The following MAN2A1 variants were observed in gnomAD, a reference collection of about 807,000 sequenced individuals.
The protein encoded by MAN2A1 is alpha-mannosidase 2.
MAN2A1 carries 76 observed loss-of-function variants against 142.6 expected under a neutral mutation model. The ratio of observed to expected loss-of-function variants is 0.53; its 90% confidence interval spans 0.44 to 0.65. The LOEUF (loss-of-function observed/expected upper bound fraction) is 0.65. MAN2A1 is among the 30% of genes least tolerant of loss of function. The pLI, the probability that MAN2A1 is intolerant of heterozygous loss-of-function variation, is 0.00. For synonymous variants in MAN2A1, 559 were observed against 473.2 expected (o/e 1.18, Z -2.35); for missense variants, 1,311 against 1,365.1 (o/e 0.96, Z 0.62).
At chr5:109,735,882 T>TTC (rs1380267451) in intron 4 of MAN2A1, among the ~76,000 whole-genome samples, 5 of 147,786 alleles carry the variant, frequency 3.4e-5, no homozygotes, top group Non-Finnish European at 6.0e-5. Context: ...ATTGGAGTTT[T>TTC]TTTTTTTTTT....
In MAN2A1 at chr5:109,855,210, C is replaced by T. The variant is rs755356395; in HGVS notation, c.3047C>T (p.Pro1016Leu). The stretch of plus-strand genomic sequence containing the variant: ...ATAACTTCTTCTCTCATGAATCATC[C>T]AGTCATTCCAATGGCAAATAAGTTC... ...SHITSSLMNH[P>L]VIPMANKFSS... Residue 1016 changes from proline to leucine, a missense_variant, in exon 20 of 22, where the codon CCA (proline) becomes CTA (leucine). This residue lies in a region of MAN2A1 where 890 missense variants were observed against 920.5 expected (regional missense o/e 0.97). Coordinates refer to ENST00000261483, the MANE Select transcript of MAN2A1 (RefSeq NM_002372.4). 5.6e-6 allele frequency: 9 copies of T among 1,607,166 alleles called. No individual in the cohort carries two copies. Among genetic ancestry groups the T allele is most frequent in the Non-Finnish European group, 7.6e-6 (9 of 1,177,766 alleles).
At chr5:109,774,384 T>C (rs1051905849) in intron 7 of MAN2A1, among the ~76,000 whole-genome samples, 1 of 152,144 alleles carries the variant, frequency 6.6e-6, no homozygotes, top group Non-Finnish European at 1.5e-5. Context: ...AGTCTGTATA[T>C]GTGGGAAGTC....
intron 16 of MAN2A1, among the ~76,000 whole-genome samples, chr5:109,826,171 G>T (rs1004359953): frequency 6.6e-6 from 1 of 151,862 alleles, no homozygotes. Flanking sequence ...TTCCCAAAGT[G>T]CTGGTATTAT....
intron 6 of MAN2A1, among the ~76,000 whole-genome samples, chr5:109,769,230 T>C (rs1369464467): frequency 6.6e-6 from 1 of 152,190 alleles, no homozygotes; most frequent in East Asian, 1.9e-4. Context: ...CTGACAGCAC[T>C]GAAGTACATA....
intron 1 of MAN2A1, among the ~76,000 whole-genome samples, chr5:109,703,780 C>T (rs1751053476): frequency 6.6e-6 from 1 of 152,144 alleles, no homozygotes; most frequent in African/African-American, 2.4e-5. Context: ...ACACATTTTG[C>T]CCTAGTTATA....
intron 4 of MAN2A1, among the ~76,000 whole-genome samples, chr5:109,733,847 G>T (rs977163172): frequency 6.6e-6 from 1 of 152,178 alleles, no homozygotes; most frequent in Non-Finnish European, 1.5e-5. Flanking sequence ...TCTCTGTCAG[G>T]CTTTGGTATC....
At chr5:109,703,194 A>G (rs1212474100) in intron 1 of MAN2A1, among the ~76,000 whole-genome samples, 1 of 152,212 alleles carries the variant, frequency 6.6e-6, no homozygotes, top group Non-Finnish European at 1.5e-5. Context: ...ACTGACAATT[A>G]TTTTCTTTTT....
rs144300830 is a variant in MAN2A1, at chr5:109,725,199, C to T, written c.536-4143C>T. On this transcript the variant is annotated intron_variant, in intron 3 of 21. Transcript: ENST00000261483. ...ATTACTAAAGAAAAATAGGTCTTCT[C>T]CTCTTGCCTGGAGAAATAGCTCAGT... is the stretch of plus-strand genomic sequence containing the variant. Among the ~76,000 whole-genome samples the T allele has an allele frequency of 2.6e-3, 394 of 152,290 alleles. 1 individual carries two copies. Among genetic ancestry groups the T allele is most frequent in the African/African-American group, 9.1e-3 (379 of 41,572 alleles).
chr5:109,787,499 A>T (rs1469079893), intron 10 of MAN2A1, among the ~76,000 whole-genome samples: 2 of 152,010 alleles, frequency 1.3e-5, no homozygotes, highest in African/African-American at 2.4e-5. Context: ...TCCCAAATGT[A>T]CTGTGTTTCA....
chr5:109,716,245 T>G lies in MAN2A1; in HGVS notation c.516T>G (p.Pro172=), dbSNP rs757300488. 1.9e-6 allele frequency: 3 copies of G among 1,603,390 alleles called. No individual in the cohort carries two copies. Among genetic ancestry groups the G allele is most frequent in the Non-Finnish European group, 1.7e-6 (2 of 1,174,954 alleles). ...AACCCCTTCAAGTCTTTGTGGTGCC[T>G]CATTCCCATAACGACCCAGGTAAAA... The part of the protein sequence containing the change: ...DTEPLQVFVV[P]HSHNDPGWLK... The change falls in exon 3 of 22, where the codon CCT becomes CCG. Residue 172 remains proline, a synonymous_variant. Transcript: ENST00000261483.
intron 12 of MAN2A1, among the ~76,000 whole-genome samples, chr5:109,814,412 A>G (rs1033475617): frequency 2.0e-5 from 3 of 152,202 alleles, no homozygotes; most frequent in African/African-American, 7.2e-5. Context: ...TTCCAAAGGA[A>G]ATATCTATAT....
At chr5:109,804,242 C>T (rs1754105544) in intron 12 of MAN2A1, 1 of 987,116 alleles carries the variant, frequency 1.0e-6, no homozygotes, top group Non-Finnish European at 1.2e-6. Context: ...GGGCTTCAAG[C>T]CCATCTTGGA....
At chr5:109,726,098 T>C (rs1751736865) in intron 3 of MAN2A1, among the ~76,000 whole-genome samples, 1 of 152,190 alleles carries the variant, frequency 6.6e-6, no homozygotes, top group African/African-American at 2.4e-5. Flanking sequence ...CTAGCCCTCG[T>C]TCAATTTTCA....
At chr5:109,704,524 A>G (rs953926912) in intron 1 of MAN2A1, among the ~76,000 whole-genome samples, 5 of 152,158 alleles carry the variant, frequency 3.3e-5, no homozygotes, top group Admixed American at 1.3e-4. Flanking sequence ...GGAGATACAT[A>G]CAGAATCGTG....
Position 109,729,455 on chromosome 5 carries a change from T to G in MAN2A1, c.649T>G (p.Ser217Ala). ...GAGGAAGTTTATTTGGTCTGAGATCTCTTACCTTTCAAAGTGGTGGGATAT... is the reference window on the plus strand; with the variant it reads ...GAGGAAGTTTATTTGGTCTGAGATCGCTTACCTTTCAAAGTGGTGGGATAT... ...SRRKFIWSEI[S>A]YLSKWWDIID... The change falls in exon 4 of 22, where the codon TCT becomes GCT. Residue 217 changes from serine (S) to alanine (A), a missense_variant. Physicochemically the swap from Ser to Ala is moderately conservative, Grantham distance 99. Around this residue, in one of 3 missense-constraint regions of MAN2A1, gnomAD observed 409 missense variants for 412.7 expected, o/e 0.99. Transcript: ENST00000261483. 1 of 1,600,022 alleles carries G rather than the reference T, an allele frequency of 6.2e-7. No individual in the cohort carries two copies. The highest frequency in any genetic ancestry group is 8.5e-7 in the Non-Finnish European group (1 of 1,173,018).
At chr5:109,693,954 T>C (rs1445299124) in intron 1 of MAN2A1, among the ~76,000 whole-genome samples, 5 of 152,222 alleles carry the variant, frequency 3.3e-5, no homozygotes, top group Admixed American at 3.3e-4. Flanking sequence ...TGGAAGAATT[T>C]GAGCAGATGG....
chr5:109,841,165 G>A (rs1755193227), intron 16 of MAN2A1, among the ~76,000 whole-genome samples: 1 of 152,124 alleles, frequency 6.6e-6, no homozygotes. Flanking sequence ...AATTTCCATA[G>A]GTTATTGGGG....
chr5:109,783,170 A>G (rs896120015), intron 9 of MAN2A1, among the ~76,000 whole-genome samples: 3 of 152,162 alleles, frequency 2.0e-5, no homozygotes, highest in African/African-American at 7.2e-5. Context: ...TTTATTGAAC[A>G]TATTCAAGGC....
At chr5:109,753,312 T>G (rs1752597498) in intron 4 of MAN2A1, among the ~76,000 whole-genome samples, 1 of 152,186 alleles carries the variant, frequency 6.6e-6, no homozygotes, top group Non-Finnish European at 1.5e-5. Flanking sequence ...AAGAACTAAT[T>G]GTATGCATAG....
Sources: gnomAD v4.1 joint callset for allele counts (sites outside exome capture counted in the v4.1 genomes callset) on GRCh38, gnomAD v4.1.1 for gene constraint, gnomAD v4.1.1 regional missense constraint, MANE v1.5 for transcripts, NCBI Gene and HGNC (gene_info 2026-07-23, HGNC 2026-07-21) for gene names.